The following SLC24A2 variants were observed in gnomAD, a reference collection of about 807,000 sequenced individuals.
SLC24A2 encodes sodium/potassium/calcium exchanger 2.
Under a neutral mutation model 62.0 loss-of-function variants are expected in SLC24A2, and 36 were observed. The observed-to-expected ratio is 0.58, with a 90% CI of 0.44 to 0.77. The LOEUF (loss-of-function observed/expected upper bound fraction) is 0.77. Among genes scored for constraint, SLC24A2 ranks in the 30% least tolerant of loss-of-function variants. The pLI is 0.00. For missense variants in SLC24A2, 846 were observed against 817.9 expected, an observed-to-expected ratio of 1.03 and a Z score of -0.42; for synonymous variants, 358 against 294.0, an observed-to-expected ratio of 1.22 and a Z score of -2.23.
the SLC24A2 span, among the ~76,000 whole-genome samples, chr9:20,146,759 G>A: frequency 1.4e-4 from 21 of 152,120 alleles, no homozygotes; most frequent in South Asian, 1.2e-3. Context: ...CAGGTAACCC[G>A]TAAGCTCCTA....
chr9:19,560,671 T>C (rs747244758), intron 7 of SLC24A2, among the ~76,000 whole-genome samples: 1 of 152,236 alleles, frequency 6.6e-6, no homozygotes, highest in Admixed American at 6.5e-5. Context: ...TGGTATTTTT[T>C]TCTGGCAGCC....
the SLC24A2 span, among the ~76,000 whole-genome samples, chr9:20,054,708 A>G: frequency 6.6e-6 from 1 of 152,210 alleles, no homozygotes; most frequent in African/African-American, 2.4e-5. Flanking sequence ...TAATAGGGTA[A>G]AGCTGTGTGA....
the SLC24A2 span, among the ~76,000 whole-genome samples, chr9:19,817,829 A>G: frequency 6.6e-6 from 1 of 152,052 alleles, no homozygotes; most frequent in African/African-American, 2.4e-5. Flanking sequence ...TCCTGAGTTC[A>G]AGGGATCCTC....
At chr9:20,152,105 T>G in the SLC24A2 span, among the ~76,000 whole-genome samples, 1 of 151,940 alleles carries the variant, frequency 6.6e-6, no homozygotes, top group Admixed American at 6.6e-5. Flanking sequence ...CCATTGCTTT[T>G]CCATCAACAT....
chr9:19,826,532 C>T, the SLC24A2 span, among the ~76,000 whole-genome samples: 1 of 152,080 alleles, frequency 6.6e-6, no homozygotes, highest in Non-Finnish European at 1.5e-5. Flanking sequence ...CTGAAAAGTC[C>T]AAGATCAAGA....
At chr9:20,184,233 G>A in the SLC24A2 span, among the ~76,000 whole-genome samples, 86 of 152,312 alleles carry the variant, frequency 5.6e-4, no homozygotes, top group African/African-American at 1.9e-3. Context: ...CCTCATACCT[G>A]TTTGAATGCC....
intron 5 of SLC24A2, among the ~76,000 whole-genome samples, chr9:19,592,527 T>A (rs1210326191): frequency 6.6e-6 from 1 of 151,934 alleles, no homozygotes; most frequent in Admixed American, 6.6e-5. Flanking sequence ...CCTACCTACC[T>A]ACCTACCTAC....
the SLC24A2 span, among the ~76,000 whole-genome samples, chr9:20,151,275 G>A: frequency 0.03 from 4,624 of 151,886 alleles, 221 homozygotes; most frequent in African/African-American, 0.1. Context: ...CATAATTCCT[G>A]TGAATGACTT....
intron 2 of SLC24A2, among the ~76,000 whole-genome samples, chr9:19,759,278 T>A (rs1587280246): frequency 6.6e-6 from 1 of 152,200 alleles, no homozygotes; most frequent in East Asian, 1.9e-4. Flanking sequence ...TCTGGGTTTC[T>A]CAGTATTGGT....
At chr9:20,112,126 C>T in the SLC24A2 span, among the ~76,000 whole-genome samples, 1 of 152,180 alleles carries the variant, frequency 6.6e-6, no homozygotes, top group Middle Eastern at 3.4e-3. Context: ...CATTTGTTAG[C>T]ACTAAGCTAT....
the SLC24A2 span, among the ~76,000 whole-genome samples, chr9:19,799,977 T>C: frequency 6.6e-6 from 1 of 152,218 alleles, no homozygotes; most frequent in African/African-American, 2.4e-5. Context: ...TGTCTCTTTC[T>C]AGCTTCGGCG....
the SLC24A2 span, among the ~76,000 whole-genome samples, chr9:20,142,531 AC>A: frequency 4.6e-5 from 7 of 151,190 alleles, no homozygotes; most frequent in African/African-American, 1.5e-4. Context: ...TTTCTACGAC[AC>A]AACTATTTTC....
the SLC24A2 span, among the ~76,000 whole-genome samples, chr9:19,965,543 A>T: frequency 1.3e-5 from 2 of 152,312 alleles, no homozygotes; most frequent in South Asian, 4.1e-4. Flanking sequence ...CAAGTTGTTT[A>T]ATGTTGCTGG....
At chr9:20,152,217 T>A in the SLC24A2 span, among the ~76,000 whole-genome samples, 1 of 151,920 alleles carries the variant, frequency 6.6e-6, no homozygotes, top group African/African-American at 2.4e-5. Context: ...AAGAGGGAGA[T>A]TTATATTTAT....
chr9:19,652,844 C>A (rs777862776), intron 2 of SLC24A2, among the ~76,000 whole-genome samples: 10 of 152,146 alleles, frequency 6.6e-5, no homozygotes, highest in Non-Finnish European at 1.2e-4. Flanking sequence ...TTCATCCATT[C>A]AGTTCATTTA....
At chr9:20,036,980 C>T in the SLC24A2 span, among the ~76,000 whole-genome samples, 2 of 152,104 alleles carry the variant, frequency 1.3e-5, no homozygotes, top group Non-Finnish European at 2.9e-5. Flanking sequence ...ACTGCAACCT[C>T]TGCCACCCAG....
intron 8 of SLC24A2, among the ~76,000 whole-genome samples, chr9:19,533,896 G>C (rs1459242641): frequency 6.6e-6 from 1 of 152,136 alleles, no homozygotes; most frequent in Non-Finnish European, 1.5e-5. Context: ...TCTTTCATTT[G>C]GCATATTGTA....
At chr9:20,102,744 G>A in the SLC24A2 span, among the ~76,000 whole-genome samples, 34 of 150,216 alleles carry the variant, frequency 2.3e-4, no homozygotes, top group South Asian at 8.5e-4. Context: ...GAACAGCTCC[G>A]GTCTACAGCT....
At chr9:20,203,623 C>T in the SLC24A2 span, among the ~76,000 whole-genome samples, 6 of 151,856 alleles carry the variant, frequency 4.0e-5, no homozygotes, top group South Asian at 2.1e-4. Flanking sequence ...GCCAAAGGGT[C>T]GCTTGGGGCC....
Sources: allele counts gnomAD v4.1 joint callset (sites outside exome capture counted in the v4.1 genomes callset), GRCh38; gene constraint gnomAD v4.1.1; transcripts MANE v1.5; gene names NCBI Gene and HGNC (gene_info 2026-07-23, HGNC 2026-07-21).